Variants in MAP3K7CL observed in about 807,000 individuals in gnomAD.
The protein encoded by MAP3K7CL is MAP3K7 C-terminal like.
MAP3K7CL carries 16 observed loss-of-function variants against 18.6 expected under a neutral mutation model. That is an observed-to-expected ratio of 0.86 (90% confidence interval 0.58 to 1.31). The LOEUF is 1.31. MAP3K7CL is among the 50% of genes most tolerant of loss of function. MAP3K7CL has a pLI of 0.00. For missense variants in MAP3K7CL, 163 were observed against 174.4 expected, an observed-to-expected ratio of 0.93 and a Z score of 0.37; for synonymous variants, 65 against 66.8, an observed-to-expected ratio of 0.97 and a Z score of 0.13.
At chr21:29,170,016 C>T (rs73897285) in intron 4 of MAP3K7CL, among the ~76,000 whole-genome samples, 4,658 of 152,182 alleles carry the variant, frequency 0.031, 207 homozygotes, top group African/African-American at 0.096. Flanking sequence ...CTGAAGGAAA[C>T]GATACAAATA....
chr21:29,103,536 G>C (rs1380106302), intron 4 of MAP3K7CL, among the ~76,000 whole-genome samples: 2 of 152,158 alleles, frequency 1.3e-5, no homozygotes, highest in Non-Finnish European at 2.9e-5. Context: ...TTCGAGACCA[G>C]TCTGGCCAAC....
intron 4 of MAP3K7CL, among the ~76,000 whole-genome samples, chr21:29,169,277 A>G (rs56799182): frequency 0.021 from 3,247 of 152,244 alleles, 131 homozygotes; most frequent in African/African-American, 0.073. Flanking sequence ...TTCCCAATAG[A>G]TATTAGTACA....
intron 4 of MAP3K7CL, among the ~76,000 whole-genome samples, chr21:29,116,344 A>G (rs2086504996): frequency 6.6e-6 from 1 of 152,222 alleles, no homozygotes; most frequent in African/African-American, 2.4e-5. Flanking sequence ...AAATATTTAA[A>G]AAATATAAAT....
chr21:29,172,834 AC>A (rs530763546), intron 4 of MAP3K7CL, among the ~76,000 whole-genome samples: 9 of 119,830 alleles, frequency 7.5e-5, no homozygotes, highest in South Asian at 6.7e-4. Context: ...TTGATGAGCA[AC>A]CCCCCCCTCC....
At chr21:29,115,570 G>A (rs1054151707) in intron 4 of MAP3K7CL, among the ~76,000 whole-genome samples, 1 of 152,144 alleles carries the variant, frequency 6.6e-6, no homozygotes, top group Non-Finnish European at 1.5e-5. Context: ...CTTTTTGACC[G>A]TAGGCAGGTT....
chr21:29,147,949 C>CTATTATA (rs766679099), intron 2 of MAP3K7CL, among the ~76,000 whole-genome samples: 2 of 150,824 alleles, frequency 1.3e-5, no homozygotes, highest in African/African-American at 4.9e-5. Flanking sequence ...TACTGTATCT[C>CTATTATA]TATTATATAT....
intron 3 of MAP3K7CL, among the ~76,000 whole-genome samples, chr21:29,150,214 G>A (rs1420892925): frequency 6.6e-6 from 1 of 152,190 alleles, no homozygotes; most frequent in African/African-American, 2.4e-5. Flanking sequence ...CTCAACAGAG[G>A]TGGAAGAAGA....
chr21:29,083,831 G>GAT (rs1394035446), upstream of MAP3K7CL, among the ~76,000 whole-genome samples: 1 of 150,798 alleles, frequency 6.6e-6, no homozygotes, highest in Non-Finnish European at 1.5e-5. Context: ...AATCAGCTGG[G>GAT]ATGTGTGTGT....
At chr21:29,139,492 T>C (rs2086956276) in intron 2 of MAP3K7CL, 1 of 152,078 alleles carries the variant, frequency 6.6e-6, no homozygotes, top group South Asian at 2.1e-4. Flanking sequence ...TAGTAATCTC[T>C]TCTCTCCACA....
chr21:29,095,201 T>G (rs929710414), intron 4 of MAP3K7CL, among the ~76,000 whole-genome samples: 1 of 149,786 alleles, frequency 6.7e-6, no homozygotes, highest in Non-Finnish European at 1.5e-5. Flanking sequence ...TGCACCCACA[T>G]GTATGCGTGT....
intron 3 of MAP3K7CL, among the ~76,000 whole-genome samples, chr21:29,156,437 A>C (rs570912359): frequency 1.3e-5 from 2 of 152,340 alleles, no homozygotes; most frequent in East Asian, 3.9e-4. Flanking sequence ...AGTGTTTTAC[A>C]TGTCATGTTA....
chr21:29,152,861 G>C (rs1457014811), intron 3 of MAP3K7CL, among the ~76,000 whole-genome samples: 1 of 152,164 alleles, frequency 6.6e-6, no homozygotes, highest in African/African-American at 2.4e-5. Context: ...AAATTACTTT[G>C]ATAGGTGGAA....
intron 1 of MAP3K7CL, among the ~76,000 whole-genome samples, chr21:29,087,637 A>G (rs2085949090): frequency 2.4e-5 from 3 of 125,138 alleles, no homozygotes; most frequent in Admixed American, 1.1e-4. Context: ...TCTGTCTCCC[A>G]GGCTGAAGTG....
chr21:29,134,101 T>C (rs2086833953), intron 2 of MAP3K7CL, among the ~76,000 whole-genome samples: 1 of 152,206 alleles, frequency 6.6e-6, no homozygotes, highest in African/African-American at 2.4e-5. Flanking sequence ...CCGCCATTGC[T>C]CTTAGTTTAA....
chr21:29,120,880 A>G (rs1039637480), intron 4 of MAP3K7CL, among the ~76,000 whole-genome samples: 1 of 151,824 alleles, frequency 6.6e-6, no homozygotes, highest in Non-Finnish European at 1.5e-5. Flanking sequence ...AGCCTGGGCA[A>G]CATGGTGAAA....
intron 4 of MAP3K7CL, among the ~76,000 whole-genome samples, chr21:29,111,567 T>C (rs62222399): frequency 0.076 from 11,567 of 152,226 alleles, 784 homozygotes; most frequent in African/African-American, 0.17. Flanking sequence ...CTTGACTGTT[T>C]GCATTGTGGA....
chr21:29,170,233 G>T (rs181367058), intron 4 of MAP3K7CL, among the ~76,000 whole-genome samples: 15 of 152,292 alleles, frequency 9.8e-5, no homozygotes, highest in Non-Finnish European at 2.1e-4. Flanking sequence ...TTGGATGTCT[G>T]TATAATTACT....
upstream of MAP3K7CL, chr21:29,085,821 C>T: frequency 6.2e-7 from 1 of 1,609,096 alleles, no homozygotes; most frequent in Non-Finnish European, 8.5e-7. Flanking sequence ...AGGTGAAAGA[C>T]AACTTGAGTG....
At chr21:29,107,944 C>G (rs1175941428) in intron 4 of MAP3K7CL, among the ~76,000 whole-genome samples, 1 of 152,166 alleles carries the variant, frequency 6.6e-6, no homozygotes, top group Non-Finnish European at 1.5e-5. Flanking sequence ...TATGAGTAAA[C>G]TGAAGTTCAG....
Sources: gnomAD v4.1 joint callset for allele counts (sites outside exome capture counted in the v4.1 genomes callset) on GRCh38, gnomAD v4.1.1 for gene constraint, MANE v1.5 for transcripts, NCBI Gene and HGNC (gene_info 2026-07-23, HGNC 2026-07-21) for gene names.